The following MLANA variants were observed in gnomAD, a reference collection of about 807,000 sequenced individuals.
MLANA encodes the protein melanoma antigen recognized by T-cells 1.
In MLANA, 21 loss-of-function variants were observed where a neutral mutation model predicts 15.7. The observed-to-expected ratio is 1.33, with a 90% CI of 0.95 to 1.92. MLANA has a LOEUF of 1.92. Ranked by LOEUF, MLANA falls within the 40% of genes most tolerant of loss-of-function variation. The pLI, the probability that MLANA is intolerant of heterozygous loss-of-function variation, is 0.00. For missense variants in MLANA, 164 were observed against 143.8 expected (o/e 1.14, Z -0.72); for synonymous variants, 56 against 51.5 (o/e 1.09, Z -0.37).
intron 3 of MLANA, among the ~76,000 whole-genome samples, chr9:5,905,496 C>T (rs905133879): frequency 6.6e-6 from 1 of 152,100 alleles, no homozygotes; most frequent in Non-Finnish European, 1.5e-5. Flanking sequence ...GCCCTTCAAA[C>T]CATAAAAAAA....
At chr9:5,895,602 G>A (rs772183429) in intron 2 of MLANA, among the ~76,000 whole-genome samples, 2 of 152,170 alleles carry the variant, frequency 1.3e-5, no homozygotes, top group South Asian at 4.1e-4. Context: ...AAACCTCAGT[G>A]GAGAGCAGTT....
intron 3 of MLANA, among the ~76,000 whole-genome samples, chr9:5,900,731 A>G (rs1357708017): frequency 1.3e-5 from 2 of 152,248 alleles, no homozygotes; most frequent in South Asian, 2.1e-4. Flanking sequence ...AGCCCTGGAA[A>G]ACATCTTTTG....
chr9:5,906,284 C>G (rs1446400870), intron 3 of MLANA, among the ~76,000 whole-genome samples: 4 of 148,336 alleles, frequency 2.7e-5, no homozygotes, highest in African/African-American at 7.5e-5. Context: ...GAGCCGAGAT[C>G]GTGCCATTAT....
In MLANA at chr9:5,908,869, T is replaced by G; in HGVS notation, c.*161T>G. ...AAAATTTTAGTAGGTCCGCTAGCAGTACTAATCATGTGAGGAAATGATGAG... is the reference window on the plus strand; with the variant it reads ...AAAATTTTAGTAGGTCCGCTAGCAGGACTAATCATGTGAGGAAATGATGAG... On this transcript the variant is annotated 3_prime_UTR_variant, in exon 5 of 5. Coordinates refer to ENST00000381477, the MANE Select transcript of MLANA (RefSeq NM_005511.2). 8.1e-6 allele frequency: 5 copies of G among 613,660 alleles called. No individual in the cohort carries two copies. In the South Asian group the frequency reaches 1.0e-4, roughly 13 times the overall value. 38.0% of individuals were successfully genotyped at this position (613,660 alleles called of 1,614,324 possible).
rs1832986994 is a variant in MLANA, at chr9:5,908,876, C to T, written c.*168C>T. 6 of 596,988 alleles carry T rather than the reference C, an allele frequency of 1.0e-5. No individual in the cohort carries two copies. Among genetic ancestry groups the T allele is most frequent in the African/African-American group, 1.9e-5 (1 of 53,446 alleles). The allele number at this position is 596,988 out of a possible 1,614,324, so 37.0% of individuals were successfully genotyped here. A position where few individuals can be genotyped will look rare whatever the true frequency, so the allele number is the denominator to read the frequency against. ...TAGTAGGTCCGCTAGCAGTACTAAT[C>T]ATGTGAGGAAATGATGAGAAATATT... On this transcript the variant is annotated 3_prime_UTR_variant, in exon 5 of 5. Coordinates refer to ENST00000381477, the MANE Select transcript of MLANA (RefSeq NM_005511.2).
Position 5,901,577 on chromosome 9 carries a change from G to T in MLANA, c.174+3924G>T, listed in dbSNP as rs958016220. Among the ~76,000 whole-genome samples, 4 of 152,048 alleles carry T rather than the reference G, an allele frequency of 2.6e-5. No homozygotes were observed. In the South Asian group the frequency reaches 8.3e-4, roughly 32 times the overall value. On this transcript the variant is annotated intron_variant, in intron 3 of 4. Coordinates refer to ENST00000381477, the MANE Select transcript of MLANA (RefSeq NM_005511.2). Reference sequence around the variant, plus strand: ...TCTGTCACCCAGGCTGGAGTGCAGTGGCTCAATCTCAGCTTACTGTAACCT... The same window carrying T: ...TCTGTCACCCAGGCTGGAGTGCAGTTGCTCAATCTCAGCTTACTGTAACCT...
chr9:5,892,459 G>A lies in MLANA; in HGVS notation c.-16G>A, dbSNP rs374333273. ...ATGCTCCTTCTGTTAGGTGTCCTGT[G>A]CCCTGACCCTACAAGATGCCAAGAG... On this transcript the variant is annotated 5_prime_UTR_variant, in exon 2 of 5. Coordinates refer to ENST00000381477, the MANE Select transcript of MLANA (RefSeq NM_005511.2). 188 of 1,611,064 alleles carry A rather than the reference G, an allele frequency of 1.2e-4. No homozygotes were observed. Among genetic ancestry groups the A allele is most frequent in the Non-Finnish European group, 4.3e-5 (51 of 1,178,702 alleles).
intron 2 of MLANA, among the ~76,000 whole-genome samples, chr9:5,897,025 G>A (rs145958749): frequency 5.0e-4 from 76 of 152,306 alleles, no homozygotes; most frequent in Non-Finnish European, 9.1e-4. Flanking sequence ...AGCGAGTCAT[G>A]TATCCTCTGC....
rs917841985 is a variant in MLANA at position 5,909,118 on chromosome 9, A to G, written c.*410A>G. ...GAACTGTACACAGAATTGTTCCAGT[A>G]CTATGGAGTGCTCACAAAGGATACT... On this transcript the variant is annotated 3_prime_UTR_variant, in exon 5 of 5. Transcript: ENST00000381477. The G allele has an allele frequency of 6.4e-5, 12 of 186,400 alleles. No homozygotes were observed. Among genetic ancestry groups the G allele is most frequent in the African/African-American group, 2.9e-4 (12 of 42,054 alleles). 11.5% of individuals were successfully genotyped at this position (186,400 alleles called of 1,614,324 possible). A position where few individuals can be genotyped will look rare whatever the true frequency, so the allele number is the denominator to read the frequency against.
intron 4 of MLANA, among the ~76,000 whole-genome samples, chr9:5,908,336 T>C (rs1041821288): frequency 2.0e-5 from 3 of 152,240 alleles, no homozygotes; most frequent in Admixed American, 2.0e-4. Flanking sequence ...TGTCTATAAA[T>C]AGCATTCAAT....
intron 3 of MLANA, chr9:5,898,943 C>T (rs944779792): frequency 1.3e-5 from 2 of 152,136 alleles, no homozygotes; most frequent in Non-Finnish European, 2.9e-5. Context: ...CTTCTTTACC[C>T]AAATATGCAG....
intron 3 of MLANA, among the ~76,000 whole-genome samples, chr9:5,898,737 T>C (rs974712947): frequency 1.3e-5 from 2 of 152,212 alleles, no homozygotes; most frequent in Non-Finnish European, 2.9e-5. Flanking sequence ...CTGCTCTTCC[T>C]ACTTTTCTTC....
At position 5,908,743 on chromosome 9, in the gene MLANA, T is replaced by C. The variant is rs1340740163; in HGVS notation, c.*35T>C. 6.3e-7 allele frequency: 1 copy of C among 1,581,764 alleles called. No individual in the cohort carries two copies. On this transcript the variant is annotated 3_prime_UTR_variant, in exon 5 of 5. Coordinates refer to ENST00000381477, the MANE Select transcript of MLANA (RefSeq NM_005511.2). ...AGACACCTGAGACATGCTGAAATTA[T>C]TTCTCTCACACTTTTGCTTGAATTT...
intron 2 of MLANA, 40 bp downstream of exon 2, chr9:5,892,591 C>T (rs780467838): frequency 1.2e-5 from 19 of 1,570,558 alleles, no homozygotes; most frequent in Admixed American, 3.4e-5. Context: ...TCCAGTTTGC[C>T]GTTTGCTGAC....
At chr9:5,907,950 T>C (rs1394051661) in intron 4 of MLANA, among the ~76,000 whole-genome samples, 2 of 152,100 alleles carry the variant, frequency 1.3e-5, no homozygotes, top group Non-Finnish European at 2.9e-5. Context: ...CAAAACTCCA[T>C]CTCAAAAATA....
intron 3 of MLANA, chr9:5,898,211 TAAAA>T (rs940181808): frequency 6.6e-6 from 1 of 151,716 alleles, no homozygotes; most frequent in Non-Finnish European, 1.5e-5. Context: ...ACCGGCTAAT[TAAAA>T]AAAAACTTTT....
chr9:5,897,525 G>A, intron 2 of MLANA, 32 bp from the exon 3 acceptor site: 1 of 1,582,582 alleles, frequency 6.3e-7, no homozygotes, highest in Non-Finnish European at 8.7e-7. Flanking sequence ...ATGTTTCAAT[G>A]ACAAAGTGGA....
chr9:5,892,668 A>G (rs1306208062), intron 2 of MLANA, 117 bp downstream of exon 2: 3 of 759,120 alleles, frequency 4.0e-6, no homozygotes, highest in Admixed American at 3.0e-5. Context: ...CTCCCCAGAC[A>G]GTAACATCCC....
rs775556272 is a variant in MLANA, at chr9:5,908,637, C to T, written c.289-3C>T. The T allele has an allele frequency of 2.0e-5, 33 of 1,613,646 alleles. No homozygotes were observed. ...CCATATTCTCCCTTTCTTGTTCTCA[C>T]AGGTTCCCAATGCTCCACCTGCTTA... is the stretch of plus-strand genomic sequence containing the variant. On this transcript the variant is annotated splice_region_variant and splice_polypyrimidine_tract_variant and intron_variant, in intron 4 of 4. Transcript: ENST00000381477.
Sources: gnomAD v4.1 joint callset for allele counts (sites outside exome capture counted in the v4.1 genomes callset) on GRCh38, gnomAD v4.1.1 for gene constraint, MANE v1.5 for transcripts, NCBI Gene and HGNC (gene_info 2026-07-23, HGNC 2026-07-21) for gene names.